The following CCDC71L variants were observed in gnomAD, a reference collection of about 807,000 sequenced individuals.
CCDC71L encodes the protein coiled-coil domain-containing protein 71L.
Under a neutral mutation model 10.2 loss-of-function variants are expected in CCDC71L, and 6 were observed. That is an observed-to-expected ratio of 0.59 (90% confidence interval 0.32 to 1.16). The LOEUF is 1.16. Ranked by LOEUF, CCDC71L falls within the 50% of genes most tolerant of loss-of-function variation. The pLI, the probability that CCDC71L is intolerant of heterozygous loss-of-function variation, is 0.05. For missense variants in CCDC71L, 366 were observed against 383.4 expected, an observed-to-expected ratio of 0.95 and a Z score of 0.38; for synonymous variants, 204 against 175.5, an observed-to-expected ratio of 1.16 and a Z score of -1.28.
rs1388277761 is a variant in CCDC71L, at chr7:106,655,306, A to G, written c.*4883T>C. Among the ~76,000 whole-genome samples the G allele has an allele frequency of 1.3e-5, 2 of 152,176 alleles. No individual in the cohort carries two copies. Among genetic ancestry groups the G allele is most frequent in the Non-Finnish European group, 1.5e-5 (1 of 67,984 alleles). ...AACTGCAACTTTGGCTTGTTCACCAATTTAGAGGATGTTCTATTCTCTGTG... is the reference window on the plus strand; with the variant it reads ...AACTGCAACTTTGGCTTGTTCACCAGTTTAGAGGATGTTCTATTCTCTGTG... On this transcript the variant is annotated 3_prime_UTR_variant, in exon 1 of 1. Coordinates refer to ENST00000523505, the MANE Select transcript of CCDC71L (RefSeq NM_175884.6).
rs902002605 is a variant in CCDC71L, at chr7:106,659,256, T to A, written c.*933A>T. On this transcript the variant is annotated 3_prime_UTR_variant, in exon 1 of 1. Coordinates refer to ENST00000523505, the MANE Select transcript of CCDC71L (RefSeq NM_175884.6). ...GCATAATATTCCTAGATTTGTATGT[T>A]AGACCAGGACAGGGGGCCAAATCAT... is the stretch of plus-strand genomic sequence containing the variant. 1.4e-4 allele frequency: 22 copies of A among 152,346 alleles called. No homozygotes were observed. Among genetic ancestry groups the A allele is most frequent in the African/African-American group, 5.3e-4 (22 of 41,580 alleles). The allele number at this position is 152,346 out of a possible 1,614,324, so 9.4% of individuals were successfully genotyped here.
In CCDC71L at chr7:106,656,600, C is replaced by A. The variant is rs937950024; in HGVS notation, c.*3589G>T. On this transcript the variant is annotated 3_prime_UTR_variant, in exon 1 of 1. Transcript: ENST00000523505. Reference sequence around the variant, plus strand: ...AGATAATTAAAGAATTGATGGAACACAGACTCCCGAGATAGCACAAAAAAC... The same window carrying A: ...AGATAATTAAAGAATTGATGGAACAAAGACTCCCGAGATAGCACAAAAAAC... 6.6e-6 allele frequency among the ~76,000 whole-genome samples: 1 copy of A among 151,660 alleles called. No individual in the cohort carries two copies. The highest frequency in any genetic ancestry group is 2.4e-5 in the African/African-American group (1 of 41,236).
In CCDC71L at chr7:106,655,895, G is replaced by C. The variant is rs1453495113; in HGVS notation, c.*4294C>G. Among the ~76,000 whole-genome samples, 1 of 152,150 alleles carries C rather than the reference G, an allele frequency of 6.6e-6. No individual in the cohort carries two copies. The highest frequency in any genetic ancestry group is 1.5e-5 in the Non-Finnish European group (1 of 68,006). On this transcript the variant is annotated 3_prime_UTR_variant, in exon 1 of 1. Coordinates refer to ENST00000523505, the MANE Select transcript of CCDC71L (RefSeq NM_175884.6). The stretch of plus-strand genomic sequence containing the variant: ...CAGAGCCACACAATATTCTTGGGAT[G>C]CTGAGAAACCTGGAGAGCTAAACTC...
chr7:106,660,867 G>GCGCCGC lies in CCDC71L; in HGVS notation c.24_29dup (p.Arg11_Arg12dup), dbSNP rs1311569516. 17 of 1,463,218 alleles carry GCGCCGC rather than the reference G, an allele frequency of 1.2e-5. No homozygotes were observed. In the Admixed American group the frequency reaches 1.2e-4, roughly 10 times the overall value. 90.6% of individuals were successfully genotyped at this position (1,463,218 alleles called of 1,614,324 possible). A position where few individuals can be genotyped will look rare whatever the true frequency, so the allele number is the denominator to read the frequency against. On this transcript the variant is annotated inframe_insertion, in exon 1 of 1. Transcript: ENST00000523505. The surrounding 1 kb of genome is among the most constrained non-coding windows in gnomAD (Gnocchi z 7.5). ...CCGTGGCCGGGGCGACCGGGCGCCG[G>GCGCCGC]CGCCGCCGCCTCTTCATACTGCGCC...
At position 106,660,683 on chromosome 7, in the gene CCDC71L, T is replaced by A; in HGVS notation, c.214A>T (p.Ser72Cys). Residue 72 changes from serine to cysteine, a missense_variant, in exon 1 of 1, where the codon AGC (serine) becomes TGC (cysteine). Physicochemically the swap from Ser to Cys is moderately radical, Grantham distance 112 (BLOSUM62 -1). Coordinates refer to ENST00000523505, the MANE Select transcript of CCDC71L (RefSeq NM_175884.6). This position sits in a 1 kb window ranked among gnomAD's most constrained non-coding sequence, Gnocchi z 7.5. ...AAGCTCCAGAGCTCCGCGTCCGAGCTCATGAACTCCGTGCTGCGGGGCATG... is the reference window on the plus strand; with the variant it reads ...AAGCTCCAGAGCTCCGCGTCCGAGCACATGAACTCCGTGCTGCGGGGCATG... ...LFMPRSTEFMSSDAELWSFLC... is the reference protein window; with the variant it reads ...LFMPRSTEFMCSDAELWSFLC... 6.3e-7 allele frequency: 1 copy of A among 1,586,110 alleles called. No individual in the cohort carries two copies. Among genetic ancestry groups the A allele is most frequent in the Non-Finnish European group, 8.6e-7 (1 of 1,166,204 alleles).
At position 106,660,854 on chromosome 7, in the gene CCDC71L, C is replaced by G. The variant is rs542839626; in HGVS notation, c.43G>C (p.Ala15Pro). The G allele has an allele frequency of 6.8e-5, 100 of 1,479,312 alleles. No individual in the cohort carries two copies. In the African/African-American group the frequency reaches 1.3e-3, roughly 19 times the overall value. The allele number at this position is 1,479,312 out of a possible 1,614,324, so 91.6% of individuals were successfully genotyped here. The change falls in exon 1 of 1, where the codon GCC (alanine) becomes CCC (proline). Residue 15 changes from alanine to proline, a missense_variant. By Grantham distance (27) the Ala-to-Pro change is conservative (BLOSUM62 -1). Coordinates refer to ENST00000523505, the MANE Select transcript of CCDC71L (RefSeq NM_175884.6). This position sits in a 1 kb window ranked among gnomAD's most constrained non-coding sequence, Gnocchi z 7.5. ...CCGCCCCGGGCGGCCGTGGCCGGGG[C>G]GACCGGGCGCCGGCGCCGCCGCCTC... ...MKRRRRRRPV[A>P]PATAARGGDF...
In CCDC71L at chr7:106,660,348, C is replaced by T; in HGVS notation, c.549G>A (p.Ala183=). ...GGAAGGTGGTCAGCGTCGGGGTGGC[C>T]GCCCTCCAGATCTCCTCCAAGGTGC... The part of the protein sequence containing the change: ...GGRTLEEIWR[A]ATPTLTTFPT... Residue 183 remains alanine (A), a synonymous_variant, in exon 1 of 1, where the codon GCG becomes GCA. Transcript: ENST00000523505. This position sits in a 1 kb window ranked among gnomAD's most constrained non-coding sequence, Gnocchi z 7.5. 6.8e-7 allele frequency: 1 copy of T among 1,466,812 alleles called. No individual in the cohort carries two copies. The highest frequency in any genetic ancestry group is 1.3e-5 in the South Asian group (1 of 75,892). The allele number at this position is 1,466,812 out of a possible 1,614,324, so 90.9% of individuals were successfully genotyped here.
chr7:106,660,009 A>T lies in CCDC71L; in HGVS notation c.*180T>A. The T allele has an allele frequency of 1.1e-6, 1 of 869,728 alleles. No individual in the cohort carries two copies. Among genetic ancestry groups the T allele is most frequent in the Non-Finnish European group, 1.6e-6 (1 of 614,388 alleles). The allele number at this position is 869,728 out of a possible 1,614,324, so 53.9% of individuals were successfully genotyped here. On this transcript the variant is annotated 3_prime_UTR_variant, in exon 1 of 1. Transcript: ENST00000523505. The surrounding 1 kb of genome is among the most constrained non-coding windows in gnomAD (Gnocchi z 7.5). ...GGGCACACCTGCCCCAGCGTCCAAG[A>T]CGACCGCGCCGCGGCCCGGGACAGG...
At position 106,660,520 on chromosome 7, in the gene CCDC71L, G is replaced by A; in HGVS notation, c.377C>T (p.Pro126Leu). 2.1e-6 allele frequency: 3 copies of A among 1,411,416 alleles called. No individual in the cohort carries two copies. Among genetic ancestry groups the A allele is most frequent in the South Asian group, 1.5e-5 (1 of 68,270 alleles). The allele number at this position is 1,411,416 out of a possible 1,614,324, so 87.4% of individuals were successfully genotyped here. A position where few individuals can be genotyped will look rare whatever the true frequency, so the allele number is the denominator to read the frequency against. ...GCGCCTCCTCCTGGCCGCTGCGCGCGGAACCGGCCGGCGCGCCTGGCCGCG... is the reference window on the plus strand; with the variant it reads ...GCGCCTCCTCCTGGCCGCTGCGCGCAGAACCGGCCGGCGCGCCTGGCCGCG... ...TARGQARRPV[P>L]RAAARRRRRG... Residue 126 changes from proline to leucine, a missense_variant, in exon 1 of 1, where the codon CCG becomes CTG. By Grantham distance (98) the Pro-to-Leu change is moderately conservative. Transcript: ENST00000523505. This position sits in a 1 kb window ranked among gnomAD's most constrained non-coding sequence, Gnocchi z 7.5.
At position 106,660,438 on chromosome 7, in the gene CCDC71L, CGGT is replaced by C; in HGVS notation, c.456_458del (p.Pro157del). ...GGCAGCTCTCCTCGGGGGGCGGCGG[CGGT>C]GGGGGTGGCGGCCGGGGCTTCCTCC... On this transcript the variant is annotated inframe_deletion, in exon 1 of 1. Transcript: ENST00000523505. The surrounding 1 kb of genome is among the most constrained non-coding windows in gnomAD (Gnocchi z 7.5). 8.7e-7 allele frequency: 1 copy of C among 1,154,124 alleles called. No homozygotes were observed. 71.5% of individuals were successfully genotyped at this position (1,154,124 alleles called of 1,614,324 possible).
At position 106,661,017 on chromosome 7, in the gene CCDC71L, G is replaced by T; in HGVS notation, c.-121C>A. On this transcript the variant is annotated 5_prime_UTR_variant, in exon 1 of 1. Transcript: ENST00000523505. ...GTCTCTCGCTACTTTTCTCGCCTCC[G>T]CCGCCGCCCCTCCCCCTCCGAGGGC... 1 of 1,261,888 alleles carries T rather than the reference G, an allele frequency of 7.9e-7. No homozygotes were observed. Among genetic ancestry groups the T allele is most frequent in the Non-Finnish European group, 1.0e-6 (1 of 995,260 alleles). 78.2% of individuals were successfully genotyped at this position (1,261,888 alleles called of 1,614,324 possible). A position where few individuals can be genotyped will look rare whatever the true frequency, so the allele number is the denominator to read the frequency against.
chr7:106,656,714 A>G lies in CCDC71L; in HGVS notation c.*3475T>C, dbSNP rs188444354. The G allele has an allele frequency of 5.3e-5, 8 of 152,310 alleles. No homozygotes were observed. The highest frequency in any genetic ancestry group is 1.2e-4 in the Non-Finnish European group (8 of 68,012). The allele number at this position is 152,310 out of a possible 1,614,324, so 9.4% of individuals were successfully genotyped here. ...TAAGATGTTTTCTGAGTCACATACAAATACAAAATACCATTTCAAAAATGT... is the reference window on the plus strand; with the variant it reads ...TAAGATGTTTTCTGAGTCACATACAGATACAAAATACCATTTCAAAAATGT... On this transcript the variant is annotated 3_prime_UTR_variant, in exon 1 of 1. Transcript: ENST00000523505.
In CCDC71L at chr7:106,660,392, C is replaced by T; in HGVS notation, c.505G>A (p.Gly169Arg). The T allele has an allele frequency of 7.6e-7, 1 of 1,322,618 alleles. No homozygotes were observed. The highest frequency in any genetic ancestry group is 1.9e-5 in the South Asian group (1 of 52,976). The allele number at this position is 1,322,618 out of a possible 1,614,324, so 81.9% of individuals were successfully genotyped here. Residue 169 changes from glycine (G) to arginine (R), a missense_variant, in exon 1 of 1, where the codon GGG becomes AGG. By Grantham distance (125) the Gly-to-Arg change is moderately radical. Coordinates refer to ENST00000523505, the MANE Select transcript of CCDC71L (RefSeq NM_175884.6). The surrounding 1 kb of genome is among the most constrained non-coding windows in gnomAD (Gnocchi z 7.5). ...ESCPAKPVAP[G>R]PCFGGRTLEE... ...AAGGTGCGGCCCCCGAAGCAGGGCC[C>T]GGGGGCCACGGGCTTGGCCGGGCAG...
rs1230540372 is a variant in CCDC71L at position 106,657,574 on chromosome 7, TTC to T, written c.*2613_*2614del. The T allele has an allele frequency of 6.6e-6, 1 of 152,222 alleles. No homozygotes were observed. The highest frequency in any genetic ancestry group is 1.9e-4 in the East Asian group (1 of 5,204). The allele number at this position is 152,222 out of a possible 1,614,324, so 9.4% of individuals were successfully genotyped here. ...CCACTATGCCAAGTTTCTTTTCACA[TTC>T]TGTGACAAAGTACCCATGAAATACT... On this transcript the variant is annotated 3_prime_UTR_variant, in exon 1 of 1. Coordinates refer to ENST00000523505, the MANE Select transcript of CCDC71L (RefSeq NM_175884.6).
rs775307747 is a variant in CCDC71L at position 106,657,179 on chromosome 7, AAC to A, written c.*3008_*3009del. On this transcript the variant is annotated 3_prime_UTR_variant, in exon 1 of 1. Transcript: ENST00000523505. The stretch of plus-strand genomic sequence containing the variant: ...TCAATATTCAAACTTGAATAAAATA[AAC>A]ACACATCACAACAGCGACACTTTGC... 2 of 152,214 alleles carry A rather than the reference AAC, an allele frequency of 1.3e-5. No homozygotes were observed. The highest frequency in any genetic ancestry group is 4.8e-5 in the African/African-American group (2 of 41,442). 9.4% of individuals were successfully genotyped at this position (152,214 alleles called of 1,614,324 possible). A position where few individuals can be genotyped will look rare whatever the true frequency, so the allele number is the denominator to read the frequency against.
Position 106,657,148 on chromosome 7 carries a change from C to G in CCDC71L, c.*3041G>C, listed in dbSNP as rs1357638834. ...AGGTGTCAGTCACCAGCTTAAGTTA[C>G]ACTTGTCAATATTCAAACTTGAATA... On this transcript the variant is annotated 3_prime_UTR_variant, in exon 1 of 1. Transcript: ENST00000523505. 6.6e-6 allele frequency: 1 copy of G among 152,206 alleles called. No individual in the cohort carries two copies. The highest frequency in any genetic ancestry group is 1.9e-4 in the East Asian group (1 of 5,198). 9.4% of individuals were successfully genotyped at this position (152,206 alleles called of 1,614,324 possible). A position where few individuals can be genotyped will look rare whatever the true frequency, so the allele number is the denominator to read the frequency against.
chr7:106,656,875 C>T lies in CCDC71L; in HGVS notation c.*3314G>A, dbSNP rs1792500096. ...AACTGTCCAGGGAAACACTTTGATT[C>T]CATTACAAACAATTGTTTTCTAATG... On this transcript the variant is annotated 3_prime_UTR_variant, in exon 1 of 1. Transcript: ENST00000523505. 6.6e-6 allele frequency: 1 copy of T among 152,136 alleles called. No individual in the cohort carries two copies. Among genetic ancestry groups the T allele is most frequent in the Non-Finnish European group, 1.5e-5 (1 of 68,010 alleles). 9.4% of individuals were successfully genotyped at this position (152,136 alleles called of 1,614,324 possible).
In CCDC71L at chr7:106,659,994, G is replaced by T; in HGVS notation, c.*195C>A. ...ACGGGAGGCAGCAGAGGGCACACCT[G>T]CCCCAGCGTCCAAGACGACCGCGCC... On this transcript the variant is annotated 3_prime_UTR_variant, in exon 1 of 1. Coordinates refer to ENST00000523505, the MANE Select transcript of CCDC71L (RefSeq NM_175884.6). 1 of 740,122 alleles carries T rather than the reference G, an allele frequency of 1.4e-6. No homozygotes were observed. Among genetic ancestry groups the T allele is most frequent in the Non-Finnish European group, 2.0e-6 (1 of 496,486 alleles). 45.8% of individuals were successfully genotyped at this position (740,122 alleles called of 1,614,324 possible).
Position 106,658,551 on chromosome 7 carries a change from G to A in CCDC71L, c.*1638C>T, listed in dbSNP as rs1308297764. On this transcript the variant is annotated 3_prime_UTR_variant, in exon 1 of 1. Transcript: ENST00000523505. Reference sequence around the variant, plus strand: ...AGCTGCCAAGCAGAGATAAGCTTTAGTATTAAAGATTTCACATGTCAAGTT... The same window carrying A: ...AGCTGCCAAGCAGAGATAAGCTTTAATATTAAAGATTTCACATGTCAAGTT... 6.6e-6 allele frequency: 1 copy of A among 152,476 alleles called. No individual in the cohort carries two copies. The highest frequency in any genetic ancestry group is 1.9e-4 in the East Asian group (1 of 5,202). The allele number at this position is 152,476 out of a possible 1,614,324, so 9.4% of individuals were successfully genotyped here. A position where few individuals can be genotyped will look rare whatever the true frequency, so the allele number is the denominator to read the frequency against.
Sources: gnomAD v4.1 joint callset for allele counts (sites outside exome capture counted in the v4.1 genomes callset) on GRCh38, gnomAD v4.1.1 for gene constraint, Gnocchi (gnomAD v3.1) non-coding constraint, MANE v1.5 for transcripts, NCBI Gene and HGNC (gene_info 2026-07-23, HGNC 2026-07-21) for gene names.